The following GLDC variants were observed in gnomAD, a reference collection of about 807,000 sequenced individuals.
GLDC encodes glycine dehydrogenase (decarboxylating), mitochondrial.
In GLDC, 104 loss-of-function variants were observed where a neutral mutation model predicts 121.3. That is an observed-to-expected ratio of 0.86 (90% confidence interval 0.73 to 1.01). The LOEUF (loss-of-function observed/expected upper bound fraction) is 1.01, where lower values mean the gene tolerates loss of function less well. GLDC is among the 50% of genes least tolerant of loss of function. The probability of loss-of-function intolerance (pLI) is 0.00; values close to 1 mark genes in which losing one functional copy is unlikely to be tolerated. For missense variants in GLDC, 1,429 were observed against 1,306.6 expected (o/e 1.09, Z -1.44); for synonymous variants, 546 against 480.6 (o/e 1.14, Z -1.78).
intron 15 of GLDC, among the ~76,000 whole-genome samples, chr9:6,570,616 G>T (rs899970123): frequency 6.6e-6 from 1 of 152,178 alleles, no homozygotes; most frequent in African/African-American, 2.4e-5. Flanking sequence ...CACTTTGGGA[G>T]GCTGAGACGG....
chr9:6,639,919 A>C (rs913367580), intron 2 of GLDC, among the ~76,000 whole-genome samples: 6 of 152,052 alleles, frequency 3.9e-5, no homozygotes, highest in African/African-American at 1.5e-4. Context: ...AATTGGCCCC[A>C]AATGGCCAGA....
chr9:6,565,760 AACAAAAGGAACT>A (rs1817843539), intron 15 of GLDC: 1 of 548,334 alleles, frequency 1.8e-6, no homozygotes, highest in African/African-American at 1.9e-5. Context: ...TACAGTGAAG[AACAAAAGGAACT>A]ACGACGTGTG....
chr9:6,546,477 G>T (rs1817391478), intron 21 of GLDC, among the ~76,000 whole-genome samples: 1 of 151,186 alleles, frequency 6.6e-6, no homozygotes, highest in Non-Finnish European at 1.5e-5. Context: ...TGGGATTGCA[G>T]GCATGAGCCA....
chr9:6,587,871 G>A (rs1006517367), intron 14 of GLDC, among the ~76,000 whole-genome samples: 3 of 151,996 alleles, frequency 2.0e-5, no homozygotes, highest in African/African-American at 7.3e-5. Flanking sequence ...GATATGATAT[G>A]TCACTTCAGA....
chr9:6,539,281 C>T (rs1385142702), intron 22 of GLDC, among the ~76,000 whole-genome samples: 1 of 152,056 alleles, frequency 6.6e-6, no homozygotes, highest in Non-Finnish European at 1.5e-5. Flanking sequence ...AGACTGAGAC[C>T]AGCCTGGCCA....
chr9:6,607,948 C>G (rs1255026172), intron 4 of GLDC, among the ~76,000 whole-genome samples: 1 of 151,790 alleles, frequency 6.6e-6, no homozygotes, highest in Non-Finnish European at 1.5e-5. Flanking sequence ...CATGGCAAAA[C>G]CCTATCTCTA....
intron 15 of GLDC, among the ~76,000 whole-genome samples, chr9:6,582,595 C>T (rs1326818885): frequency 2.6e-5 from 4 of 151,526 alleles, no homozygotes; most frequent in Admixed American, 1.3e-4. Flanking sequence ...TTTGAGAGGC[C>T]GAGGCGGGTG....
intron 8 of GLDC, among the ~76,000 whole-genome samples, chr9:6,599,931 T>C (rs1818568327): frequency 6.6e-6 from 1 of 152,092 alleles, no homozygotes; most frequent in Admixed American, 6.5e-5. Context: ...CAGAACCAAC[T>C]ATAAGAAGAT....
At chr9:6,621,720 A>G (rs1162131164) in intron 2 of GLDC, among the ~76,000 whole-genome samples, 3 of 152,078 alleles carry the variant, frequency 2.0e-5, no homozygotes, top group Non-Finnish European at 4.4e-5. Flanking sequence ...GTTTCACCAT[A>G]TTGGCTAGGC....
chr9:6,565,633 T>G, intron 15 of GLDC: 1 of 654,680 alleles, frequency 1.5e-6, no homozygotes, highest in East Asian at 2.7e-5. Context: ...GCATCCAGTT[T>G]GTGCACTACA....
chr9:6,631,555 G>A (rs1377789288), intron 2 of GLDC, among the ~76,000 whole-genome samples: 5 of 152,158 alleles, frequency 3.3e-5, no homozygotes, highest in Admixed American at 6.5e-5. Flanking sequence ...GCAATTCATA[G>A]TATTTATCTG....
intron 2 of GLDC, among the ~76,000 whole-genome samples, chr9:6,641,441 G>T (rs1184197785): frequency 1.3e-5 from 2 of 152,232 alleles, no homozygotes; most frequent in Non-Finnish European, 2.9e-5. Flanking sequence ...AGTCAGGACA[G>T]AAGTTTTCCA....
intron 20 of GLDC, among the ~76,000 whole-genome samples, chr9:6,551,643 C>CACAT (rs1489535596): frequency 6.6e-6 from 1 of 152,114 alleles, no homozygotes; most frequent in Non-Finnish European, 1.5e-5. Context: ...TTGCTCCAGG[C>CACAT]TGGTCAAAGA....
chr9:6,605,564 G>C (rs1470729813), intron 5 of GLDC, among the ~76,000 whole-genome samples: 1 of 152,094 alleles, frequency 6.6e-6, no homozygotes, highest in African/African-American at 2.4e-5. Flanking sequence ...TTGCTTCCTA[G>C]GGCTAATGAG....
chr9:6,592,674 T>C (rs929462457), intron 10 of GLDC, among the ~76,000 whole-genome samples, 177 bp downstream of exon 10: 2 of 152,232 alleles, frequency 1.3e-5, no homozygotes, highest in Non-Finnish European at 2.9e-5. Flanking sequence ...AAAGGGTGAA[T>C]GATCCTTTAC....
intron 15 of GLDC, among the ~76,000 whole-genome samples, chr9:6,577,523 T>A (rs1180197457): frequency 2.0e-5 from 3 of 152,232 alleles, no homozygotes; most frequent in Non-Finnish European, 2.9e-5. Flanking sequence ...ATACGCATGT[T>A]CTCCACCATA....
In GLDC at chr9:6,540,158, A is replaced by C. The variant is rs1817225194; in HGVS notation, c.2570-12T>G. On this transcript the variant is annotated splice_polypyrimidine_tract_variant and intron_variant, in intron 21 of 24. Transcript: ENST00000321612. ...ATGACCCACATAACCTGTTCAGGAAAGTTGTTTCAGCCCAAGATTAGCATC... is the reference window on the plus strand; with the variant it reads ...ATGACCCACATAACCTGTTCAGGAACGTTGTTTCAGCCCAAGATTAGCATC... The C allele has an allele frequency of 6.5e-7, 1 of 1,545,762 alleles. No individual in the cohort carries two copies. The highest frequency in any genetic ancestry group is 1.4e-5 in the African/African-American group (1 of 73,558).
chr9:6,644,775 G>A, intron 1 of GLDC, 83 bp from the exon 2 acceptor site: 1 of 925,178 alleles, frequency 1.1e-6, no homozygotes. Flanking sequence ...AAGCCTTGTG[G>A]GAACCTCATT....
intron 24 of GLDC, among the ~76,000 whole-genome samples, chr9:6,533,719 A>G (rs1465336101): frequency 1.3e-5 from 2 of 151,978 alleles, no homozygotes; most frequent in Non-Finnish European, 2.9e-5. Flanking sequence ...TTAGCCAGGC[A>G]TGGTGGCACA....
Sources: gnomAD v4.1 joint callset for allele counts (sites outside exome capture counted in the v4.1 genomes callset) on GRCh38, gnomAD v4.1.1 for gene constraint, MANE v1.5 for transcripts, NCBI Gene and HGNC (gene_info 2026-07-23, HGNC 2026-07-21) for gene names.